Variants in MGAT4C observed in about 807,000 individuals in gnomAD.
MGAT4C encodes the protein alpha-1,3-mannosyl-glycoprotein 4-beta-N-acetylglucosaminyltransferase C.
Under a neutral mutation model 40.1 loss-of-function variants are expected in MGAT4C, and 19 were observed. The observed-to-expected ratio is 0.47, with a 90% CI of 0.33 to 0.70. The LOEUF is 0.70. MGAT4C is among the 30% of genes least tolerant of loss of function. The pLI is 0.02. For missense variants in MGAT4C, 491 were observed against 563.2 expected (o/e 0.87, Z 1.30); for synonymous variants, 181 against 187.1 (o/e 0.97, Z 0.27).
intron 3 of MGAT4C, among the ~76,000 whole-genome samples, chr12:86,340,141 T>C (rs944579716): frequency 1.3e-5 from 2 of 152,206 alleles, no homozygotes; most frequent in African/African-American, 2.4e-5. Flanking sequence ...AAGAGTTCAT[T>C]TTGCTTCATG....
chr12:86,135,834 C>T (rs1881867413), intron 1 of MGAT4C, among the ~76,000 whole-genome samples: 1 of 152,122 alleles, frequency 6.6e-6, no homozygotes, highest in South Asian at 2.1e-4. Context: ...GATCAATAAC[C>T]TCTAATTCCA....
intron 3 of MGAT4C, among the ~76,000 whole-genome samples, chr12:85,988,107 T>C (rs2136711730): frequency 6.6e-6 from 1 of 152,308 alleles, no homozygotes; most frequent in South Asian, 2.1e-4. Context: ...ATTTTCTAAG[T>C]TTGCCTAAAT....
At position 86,319,212 on chromosome 12, in the gene MGAT4C, A is replaced by G. The variant is rs933585430; in HGVS notation, c.-57+14853T>C. On this transcript the variant is annotated intron_variant, in intron 4 of 7. Transcript: ENST00000548651. ...TCCTAGATGACTTCCTATGTCCTCT[A>G]TACACCAAATCATGCATAATTTCAT... Among the ~76,000 whole-genome samples the G allele has an allele frequency of 5.9e-5, 9 of 152,312 alleles. No individual in the cohort carries two copies. The East Asian group carries it at 1.7e-3, about 29-fold the overall frequency.
At position 86,747,867 on chromosome 12, in the gene MGAT4C, A is replaced by G. The variant is rs1298542021; in HGVS notation, c.-261-20626T>C. Among the ~76,000 whole-genome samples, 6 of 151,678 alleles carry G rather than the reference A, an allele frequency of 4.0e-5. No homozygotes were observed. The South Asian group carries it at 1.2e-3, about 31-fold the overall frequency. The stretch of plus-strand genomic sequence containing the variant: ...TGTGCGTATGAGGAAGGAATGACCC[A>G]AAGTACTGTGACAAATGCAGAAGAG... On this transcript the variant is annotated intron_variant, in intron 1 of 7. Transcript: ENST00000548651.
chr12:86,342,133 G>A (rs1954919102), intron 3 of MGAT4C, among the ~76,000 whole-genome samples: 1 of 151,970 alleles, frequency 6.6e-6, no homozygotes, highest in Admixed American at 6.5e-5. Flanking sequence ...ATACCTCCCT[G>A]AAACAAAGCT....
intron 3 of MGAT4C, among the ~76,000 whole-genome samples, chr12:86,417,131 T>C (rs1956734375): frequency 6.6e-6 from 1 of 152,132 alleles, no homozygotes; most frequent in Non-Finnish European, 1.5e-5. Flanking sequence ...AACTGGTTGT[T>C]AGAATGCAGA....
intron 4 of MGAT4C, among the ~76,000 whole-genome samples, chr12:85,980,855 C>T (rs1332547941): frequency 6.6e-6 from 1 of 151,984 alleles, no homozygotes; most frequent in African/African-American, 2.4e-5. Context: ...AAGAGAAGGG[C>T]ATTCACAGTT....
intron 2 of MGAT4C, among the ~76,000 whole-genome samples, chr12:86,435,651 T>G (rs1434013764): frequency 6.6e-6 from 1 of 151,896 alleles, no homozygotes; most frequent in Non-Finnish European, 1.5e-5. Context: ...TATTATTAAG[T>G]CTCTTTCATT....
chr12:86,545,160 G>A (rs947874612), intron 2 of MGAT4C, among the ~76,000 whole-genome samples: 3 of 151,814 alleles, frequency 2.0e-5, no homozygotes, highest in Non-Finnish European at 4.4e-5. Context: ...CCACCCTCTG[G>A]CATATTAAAA....
rs115991583 is a variant in MGAT4C at position 86,798,091 on chromosome 12, C to T, written c.-262+40575G>A. ...TATATCACATAATATATTTTCCCTA[C>T]ATACAACCCTTTGTTGACTTCCCCT... is the stretch of plus-strand genomic sequence containing the variant. On this transcript the variant is annotated intron_variant, in intron 1 of 7. Coordinates refer to the MGAT4C transcript ENST00000548651. 7.1e-3 allele frequency among the ~76,000 whole-genome samples: 1,074 copies of T among 151,980 alleles called. 11 individuals are homozygous for T. Among genetic ancestry groups the T allele is most frequent in the African/African-American group, 0.025 (1,022 of 41,502 alleles).
intron 2 of MGAT4C, among the ~76,000 whole-genome samples, chr12:86,461,788 A>C (rs1264547928): frequency 2.0e-5 from 3 of 152,168 alleles, no homozygotes; most frequent in Non-Finnish European, 4.4e-5. Flanking sequence ...GGTGGTCAGA[A>C]TTTTAGTTTA....
intron 2 of MGAT4C, among the ~76,000 whole-genome samples, chr12:86,560,447 T>C (rs1204871293): frequency 6.6e-6 from 1 of 151,808 alleles, no homozygotes; most frequent in Non-Finnish European, 1.5e-5. Flanking sequence ...CATGATCAAG[T>C]GAGGTTGGTT....
chr12:86,837,565 C>T (rs1953061864), intron 1 of MGAT4C, among the ~76,000 whole-genome samples: 1 of 151,978 alleles, frequency 6.6e-6, no homozygotes, highest in Non-Finnish European at 1.5e-5. Context: ...ACACCATGCT[C>T]CAGGTCAAAT....
chr12:86,635,942 A>G (rs1377279513), intron 2 of MGAT4C, among the ~76,000 whole-genome samples: 1 of 151,586 alleles, frequency 6.6e-6, no homozygotes, highest in Non-Finnish European at 1.5e-5. Flanking sequence ...TTGGCCTCCC[A>G]GTGTGCTGAG....
chr12:86,258,865 A>T (rs1051384466), upstream of MGAT4C, among the ~76,000 whole-genome samples: 2 of 152,056 alleles, frequency 1.3e-5, no homozygotes, highest in African/African-American at 4.8e-5. Context: ...ATAGGAAAAA[A>T]GATAATGTAC....
chr12:86,649,734 G>A (rs1487071396), intron 2 of MGAT4C, among the ~76,000 whole-genome samples: 1 of 151,662 alleles, frequency 6.6e-6, no homozygotes, highest in Non-Finnish European at 1.5e-5. Context: ...GTTATTTTAT[G>A]TATTCTTTTA....
chr12:86,484,161 C>T (rs1406949965), intron 2 of MGAT4C, among the ~76,000 whole-genome samples: 1 of 151,978 alleles, frequency 6.6e-6, no homozygotes, highest in Non-Finnish European at 1.5e-5. Context: ...GGAGAATCAG[C>T]CCAGAGAGTA....
intron 2 of MGAT4C, among the ~76,000 whole-genome samples, chr12:86,564,200 G>A (rs139159216): frequency 1.0e-3 from 157 of 152,202 alleles, no homozygotes; most frequent in African/African-American, 3.6e-3. Flanking sequence ...GCTTAACCAG[G>A]TAGTAACTCC....
At chr12:86,267,348 G>A (rs896093515) in intron 4 of MGAT4C, among the ~76,000 whole-genome samples, 15 of 151,940 alleles carry the variant, frequency 9.9e-5, no homozygotes, top group African/African-American at 3.6e-4. Context: ...AACACTCAAA[G>A]GTATCTTAAA....
Sources: gnomAD v4.1 joint callset for allele counts (sites outside exome capture counted in the v4.1 genomes callset) on GRCh38, gnomAD v4.1.1 for gene constraint, MANE v1.5 for transcripts, NCBI Gene and HGNC (gene_info 2026-07-23, HGNC 2026-07-21) for gene names.